Variants in FBXL17 observed in about 807,000 individuals in gnomAD.
FBXL17 encodes F-box and leucine rich repeat protein 17, also known as F-box/LRR-repeat protein 17.
A neutral mutation model predicts 66.2 loss-of-function variants in FBXL17; 22 were observed. The ratio of observed to expected loss-of-function variants is 0.33; its 90% CI spans 0.24 to 0.47. FBXL17 has a LOEUF of 0.47. Among genes scored for constraint, FBXL17 ranks in the 20% least tolerant of loss-of-function variants. FBXL17 has a pLI of 1.00. For missense variants in FBXL17, 878 were observed against 948.2 expected (o/e 0.93, Z 0.97); for synonymous variants, 474 against 400.5 (o/e 1.18, Z -2.19).
At chr5:107,869,344 G>A (rs894813614) in intron 8 of FBXL17, among the ~76,000 whole-genome samples, 1 of 152,142 alleles carries the variant, frequency 6.6e-6, no homozygotes, top group Non-Finnish European at 1.5e-5. Context: ...AAAAGTCATC[G>A]TGAACAATGC....
intron 6 of FBXL17, among the ~76,000 whole-genome samples, chr5:108,150,876 T>A (rs1751747357): frequency 6.6e-6 from 1 of 152,198 alleles, no homozygotes; most frequent in African/African-American, 2.4e-5. Flanking sequence ...TTGCCCTACA[T>A]AATTAATAAT....
At chr5:107,881,765 C>T (rs888050953) in intron 7 of FBXL17, among the ~76,000 whole-genome samples, 2 of 152,148 alleles carry the variant, frequency 1.3e-5, no homozygotes, top group Non-Finnish European at 2.9e-5. Context: ...TGCTAGAGTG[C>T]AGTAAACAGA....
intron 7 of FBXL17, among the ~76,000 whole-genome samples, chr5:107,942,303 A>C (rs1030977021): frequency 1.3e-5 from 2 of 152,204 alleles, no homozygotes; most frequent in Non-Finnish European, 2.9e-5. Flanking sequence ...GGGAGAGACC[A>C]TGACATTTCA....
chr5:108,359,292 T>C (rs748247758), intron 3 of FBXL17, among the ~76,000 whole-genome samples: 3 of 152,110 alleles, frequency 2.0e-5, no homozygotes, highest in Admixed American at 6.6e-5. Context: ...CCATAGCTTT[T>C]CTGTCCTCTA....
At chr5:108,224,509 G>T (rs1181270749) in intron 4 of FBXL17, among the ~76,000 whole-genome samples, 1 of 147,054 alleles carries the variant, frequency 6.8e-6, no homozygotes, top group East Asian at 2.1e-4. Flanking sequence ...CTCTGTGTGT[G>T]TATATATATG....
At chr5:108,300,207 A>G (rs1758524755) in intron 4 of FBXL17, among the ~76,000 whole-genome samples, 2 of 151,956 alleles carry the variant, frequency 1.3e-5, no homozygotes, top group African/African-American at 4.8e-5. Context: ...ATTGATACTA[A>G]AGAACTCCAT....
At chr5:107,911,852 G>C (rs1208361581) in intron 7 of FBXL17, among the ~76,000 whole-genome samples, 1 of 151,938 alleles carries the variant, frequency 6.6e-6, no homozygotes, top group Non-Finnish European at 1.5e-5. Context: ...TACAAAAATA[G>C]AAACATGGGC....
intron 7 of FBXL17, among the ~76,000 whole-genome samples, chr5:107,906,452 T>G (rs1360104777): frequency 1.3e-5 from 2 of 152,204 alleles, no homozygotes. Context: ...AACATCATGC[T>G]AAGTGCTTTC....
chr5:107,947,327 T>C (rs1751346182), intron 7 of FBXL17, among the ~76,000 whole-genome samples: 1 of 152,270 alleles, frequency 6.6e-6, no homozygotes, highest in Admixed American at 6.5e-5. Flanking sequence ...GCAGGTAACA[T>C]GGCACAGGCC....
At chr5:107,985,419 C>T (rs930337926) in intron 7 of FBXL17, among the ~76,000 whole-genome samples, 1 of 152,198 alleles carries the variant, frequency 6.6e-6, no homozygotes, top group Admixed American at 6.5e-5. Context: ...GTGATGCAGA[C>T]TGTGTAGTTA....
chr5:107,985,900 T>A (rs1230632509), intron 7 of FBXL17, among the ~76,000 whole-genome samples: 1 of 152,170 alleles, frequency 6.6e-6, no homozygotes, highest in Non-Finnish European at 1.5e-5. Flanking sequence ...CAAGTTTAGC[T>A]GTCTATTGGT....
chr5:108,136,839 A>T (rs1320424267), intron 6 of FBXL17, among the ~76,000 whole-genome samples: 1 of 152,168 alleles, frequency 6.6e-6, no homozygotes, highest in African/African-American at 2.4e-5. Context: ...ACATTTTCTT[A>T]AGATAGAAAA....
chr5:108,064,215 CT>C (rs375305765), intron 6 of FBXL17, among the ~76,000 whole-genome samples: 537 of 152,230 alleles, frequency 3.5e-3, no homozygotes, highest in South Asian at 9.1e-3. Context: ...ACTTACTGTA[CT>C]TTTTATTCTA....
chr5:107,870,255 T>C (rs1325167044), intron 8 of FBXL17, among the ~76,000 whole-genome samples: 2 of 152,310 alleles, frequency 1.3e-5, no homozygotes, highest in Non-Finnish European at 2.9e-5. Context: ...ACCTGCCCAC[T>C]TCCCATGACA....
chr5:108,252,937 G>C (rs1756419382), intron 4 of FBXL17, among the ~76,000 whole-genome samples: 1 of 152,282 alleles, frequency 6.6e-6, no homozygotes, highest in African/African-American at 2.4e-5. Flanking sequence ...AGAAAAGGCT[G>C]ATGTGAAGAT....
intron 3 of FBXL17, among the ~76,000 whole-genome samples, chr5:108,352,407 G>A (rs961509555): frequency 1.3e-5 from 2 of 152,076 alleles, no homozygotes; most frequent in African/African-American, 4.8e-5. Flanking sequence ...ACATTCAGAG[G>A]GCATCAACCA....
intron 7 of FBXL17, among the ~76,000 whole-genome samples, chr5:107,896,954 T>C (rs966443985): frequency 1.3e-5 from 2 of 152,154 alleles, no homozygotes; most frequent in African/African-American, 2.4e-5. Flanking sequence ...CTATAGACTT[T>C]AGTATAATTT....
chr5:108,204,195 GTCTTT>G (rs1449999879), intron 5 of FBXL17, among the ~76,000 whole-genome samples: 7 of 151,806 alleles, frequency 4.6e-5, no homozygotes, highest in East Asian at 3.9e-4. Context: ...TTAATATAAG[GTCTTT>G]TCTTTTTTCT....
chr5:107,924,801 C>G (rs1452359318), intron 7 of FBXL17, among the ~76,000 whole-genome samples: 1 of 152,168 alleles, frequency 6.6e-6, no homozygotes, highest in Admixed American at 6.5e-5. Flanking sequence ...ATTCTCGAGA[C>G]CAGTTTAAGA....
Sources: allele counts gnomAD v4.1 joint callset (sites outside exome capture counted in the v4.1 genomes callset), GRCh38; gene constraint gnomAD v4.1.1; transcripts MANE v1.5; gene names NCBI Gene and HGNC (gene_info 2026-07-23, HGNC 2026-07-21).